The following OXR1 variants were observed in gnomAD, a reference collection of about 807,000 sequenced individuals.
OXR1 encodes the protein oxidation resistance protein 1.
OXR1 carries 41 observed loss-of-function variants against 104.6 expected under a neutral mutation model. The ratio of observed to expected loss-of-function variants is 0.39; its 90% CI spans 0.31 to 0.51. The LOEUF (loss-of-function observed/expected upper bound fraction) is 0.51, where lower values mean the gene tolerates loss of function less well. Among genes scored for constraint, OXR1 ranks in the 20% least tolerant of loss-of-function variants. The pLI is 0.77. For synonymous variants in OXR1, 348 were observed against 348.4 expected (o/e 1.00, Z 0.01); for missense variants, 955 against 1,031.9 (o/e 0.93, Z 1.02).
At chr8:106,397,003 G>A (rs145460483) in intron 2 of OXR1, among the ~76,000 whole-genome samples, 3 of 152,148 alleles carry the variant, frequency 2.0e-5, no homozygotes, top group East Asian at 3.9e-4. Flanking sequence ...CCAGCAATTT[G>A]CAGACCAATA....
At chr8:106,697,211 GT>G (rs1338948499) in intron 7 of OXR1, among the ~76,000 whole-genome samples, 2 of 152,198 alleles carry the variant, frequency 1.3e-5, no homozygotes, top group African/African-American at 2.4e-5. Context: ...AGTTGGTCCA[GT>G]TTTGATGGGT....
At chr8:106,593,669 C>A (rs1454576518) in intron 3 of OXR1, among the ~76,000 whole-genome samples, 3 of 152,054 alleles carry the variant, frequency 2.0e-5, no homozygotes, top group Non-Finnish European at 4.4e-5. Flanking sequence ...CCCAGCTACT[C>A]GGGAGGCTGA....
chr8:106,467,501 C>T (rs1000451581), intron 2 of OXR1, among the ~76,000 whole-genome samples: 4 of 151,844 alleles, frequency 2.6e-5, no homozygotes, highest in Non-Finnish European at 5.9e-5. Context: ...TAAGTCCTTG[C>T]TTCTGGCCTC....
chr8:106,630,243 GTTAC>G (rs1397098568), intron 3 of OXR1, among the ~76,000 whole-genome samples: 2 of 152,212 alleles, frequency 1.3e-5, no homozygotes, highest in Non-Finnish European at 2.9e-5. Context: ...TGGGGATAAT[GTTAC>G]TTACTGTCCT....
intron 2 of OXR1, among the ~76,000 whole-genome samples, chr8:106,502,228 C>A (rs547448038): frequency 2.7e-3 from 406 of 152,302 alleles, no homozygotes; most frequent in African/African-American, 9.2e-3. Context: ...GCTGTGCCTT[C>A]ATTGTCTTGA....
intron 2 of OXR1, among the ~76,000 whole-genome samples, chr8:106,462,774 C>T (rs1300547687): frequency 2.0e-5 from 3 of 148,788 alleles, no homozygotes; most frequent in African/African-American, 7.3e-5. Flanking sequence ...GCATTCACTT[C>T]CCTGAACCAC....
At chr8:106,488,918 G>A (rs1586710144) in intron 2 of OXR1, among the ~76,000 whole-genome samples, 1 of 151,474 alleles carries the variant, frequency 6.6e-6, no homozygotes, top group African/African-American at 2.4e-5. Flanking sequence ...CTCTTTTTTG[G>A]TTCCATATGA....
intron 1 of OXR1, among the ~76,000 whole-genome samples, chr8:106,285,426 C>G (rs1281277496): frequency 1.3e-5 from 2 of 152,050 alleles, no homozygotes; most frequent in Non-Finnish European, 2.9e-5. Context: ...TTATATTATT[C>G]TCATGGAAAC....
At position 106,442,946 on chromosome 8, in the gene OXR1, A is replaced by G. The variant is rs566626807; in HGVS notation, c.24-75997A>G. 2.0e-5 allele frequency among the ~76,000 whole-genome samples: 3 copies of G among 151,876 alleles called. No individual in the cohort carries two copies. The South Asian group carries it at 6.3e-4, about 32-fold the overall frequency. On this transcript the variant is annotated intron_variant, in intron 2 of 16. Coordinates refer to ENST00000517566, the MANE Select transcript of OXR1 (RefSeq NM_001198533.2). ...TCTTAGTTATTTCTTGTCTTCTGCTAGCTTTTGGATTAGTTTGCTTTTGCC... is the reference window on the plus strand; with the variant it reads ...TCTTAGTTATTTCTTGTCTTCTGCTGGCTTTTGGATTAGTTTGCTTTTGCC...
chr8:106,559,746 C>T (rs914461518), intron 3 of OXR1, among the ~76,000 whole-genome samples: 4 of 152,040 alleles, frequency 2.6e-5, no homozygotes, highest in African/African-American at 7.2e-5. Flanking sequence ...GGCTCCCTCA[C>T]CTCTTTTATG....
chr8:106,452,402 T>G (rs1586658679), intron 2 of OXR1, among the ~76,000 whole-genome samples: 1 of 152,148 alleles, frequency 6.6e-6, no homozygotes, highest in African/African-American at 2.4e-5. Context: ...ATTCATTATA[T>G]ATATAAAATT....
chr8:106,326,536 G>A (rs1814475470), intron 1 of OXR1, among the ~76,000 whole-genome samples: 1 of 152,190 alleles, frequency 6.6e-6, no homozygotes. Flanking sequence ...AGAAAATTTT[G>A]TTTTAATCTC....
intron 2 of OXR1, among the ~76,000 whole-genome samples, chr8:106,468,685 G>A (rs956767572): frequency 1.3e-5 from 2 of 151,768 alleles, no homozygotes; most frequent in African/African-American, 4.8e-5. Flanking sequence ...TGATATATTT[G>A]GATTTATGGT....
intron 1 of OXR1, among the ~76,000 whole-genome samples, chr8:106,305,195 G>T (rs1813419984): frequency 6.6e-6 from 1 of 152,022 alleles, no homozygotes; most frequent in Non-Finnish European, 1.5e-5. Context: ...TCAATGAATT[G>T]TATTTTCATC....
At chr8:106,692,366 A>C (rs543250619) in intron 6 of OXR1, among the ~76,000 whole-genome samples, 46 of 152,144 alleles carry the variant, frequency 3.0e-4, no homozygotes, top group Non-Finnish European at 6.0e-4. Flanking sequence ...TCAGTGGTTT[A>C]ATTCAGGAGC....
At chr8:106,461,659 A>G (rs1322112010) in intron 2 of OXR1, among the ~76,000 whole-genome samples, 2 of 152,198 alleles carry the variant, frequency 1.3e-5, no homozygotes, top group Non-Finnish European at 2.9e-5. Context: ...TTAAGCCTGG[A>G]AATACAGGAT....
intron 16 of OXR1, among the ~76,000 whole-genome samples, chr8:106,749,960 A>C (rs1264990493): frequency 6.6e-6 from 1 of 151,996 alleles, no homozygotes; most frequent in East Asian, 1.9e-4. Flanking sequence ...TCTCAACATC[A>C]CATATTTGTC....
intron 1 of OXR1, among the ~76,000 whole-genome samples, chr8:106,317,276 C>T (rs1009795492): frequency 1.3e-5 from 2 of 152,134 alleles, no homozygotes; most frequent in African/African-American, 2.4e-5. Flanking sequence ...GGGGCAAAAA[C>T]ATAACGCTTG....
At chr8:106,397,175 T>G (rs1263959663) in intron 2 of OXR1, among the ~76,000 whole-genome samples, 1 of 152,126 alleles carries the variant, frequency 6.6e-6, no homozygotes, top group Non-Finnish European at 1.5e-5. Flanking sequence ...TCTTGCACTT[T>G]GTTGCACCAT....
Sources: gnomAD v4.1 joint callset for allele counts (sites outside exome capture counted in the v4.1 genomes callset) on GRCh38, gnomAD v4.1.1 for gene constraint, MANE v1.5 for transcripts, NCBI Gene and HGNC (gene_info 2026-07-23, HGNC 2026-07-21) for gene names.